PIWIL1: variants seen among roughly 807,000 people sequenced by gnomAD.
The protein encoded by PIWIL1 is piwi-like protein 1.
A neutral mutation model predicts 114.4 loss-of-function variants in PIWIL1; 73 were observed. The ratio of observed to expected loss-of-function variants is 0.64; its 90% CI spans 0.53 to 0.78. PIWIL1 has a LOEUF of 0.78. Among genes scored for constraint, PIWIL1 ranks in the 30% least tolerant of loss-of-function variants. The pLI is 0.00. For missense variants in PIWIL1, 723 were observed against 1,063.1 expected (o/e 0.68, Z 4.45); for synonymous variants, 375 against 369.0 (o/e 1.02, Z -0.19).
At chr12:130,420,347 CAT>C in the PIWIL1 span, among the ~76,000 whole-genome samples, 12,274 of 152,182 alleles carry the variant, frequency 0.081, 810 homozygotes, top group Admixed American at 0.2. The surrounding 1 kb of genome is among the most constrained non-coding windows in gnomAD (Gnocchi z 4.3). Context: ...GCAAACCTAT[CAT>C]AGGTTTGTCA....
the PIWIL1 span, chr12:130,425,127 A>G: frequency 1.2e-5 from 4 of 342,980 alleles, no homozygotes; most frequent in Non-Finnish European, 2.1e-5. Context: ...GCATCCAGCC[A>G]AGGAGAGGGC....
At chr12:130,407,104 C>G in the PIWIL1 span, among the ~76,000 whole-genome samples, 1 of 152,246 alleles carries the variant, frequency 6.6e-6, no homozygotes, top group Non-Finnish European at 1.5e-5. Flanking sequence ...ATATTCACAA[C>G]CAAACACATT....
chr12:130,369,027 A>G (rs1250211664), intron 19 of PIWIL1, among the ~76,000 whole-genome samples: 2 of 151,934 alleles, frequency 1.3e-5, no homozygotes, highest in Non-Finnish European at 1.5e-5. Context: ...TGCATTAGCT[A>G]TTTATCCTGA....
At chr12:130,342,224 C>G in intron 1 of PIWIL1, 1 of 273,782 alleles carries the variant, frequency 3.7e-6, no homozygotes, top group Non-Finnish European at 7.0e-6. Flanking sequence ...AGTGTGTGTA[C>G]ATGTGTATCT....
the PIWIL1 span, chr12:130,422,360 T>C: frequency 1.3e-6 from 1 of 761,270 alleles, no homozygotes; most frequent in East Asian, 2.6e-5. This position sits in a 1 kb window ranked among gnomAD's most constrained non-coding sequence, Gnocchi z 5.2. Flanking sequence ...TAGCGGAAAA[T>C]GCTACTCCTA....
At chr12:130,350,967 C>G (rs562380854) in intron 9 of PIWIL1, 2 of 152,260 alleles carry the variant, frequency 1.3e-5, no homozygotes, top group South Asian at 4.1e-4. Context: ...AAGGGCTGAC[C>G]TTATTCCTGG....
the PIWIL1 span, chr12:130,424,948 G>C: frequency 4.0e-6 from 3 of 754,214 alleles, no homozygotes; most frequent in Non-Finnish European, 5.4e-6. The surrounding 1 kb of genome is among the most constrained non-coding windows in gnomAD (Gnocchi z 9.8). Context: ...AATACAGACA[G>C]AATTAGTCCT....
At chr12:130,373,358 C>T (rs1212279888), downstream of PIWIL1, among the ~76,000 whole-genome samples, 1 of 152,188 alleles carries the variant, frequency 6.6e-6, no homozygotes, top group Non-Finnish European at 1.5e-5. Flanking sequence ...CAGGTCTCAG[C>T]TCTGCCTCAA....
At position 130,363,121 on chromosome 12, in the gene PIWIL1, A is replaced by C; in HGVS notation, c.2172A>C (p.Leu724=). The C allele has an allele frequency of 1.2e-6, 2 of 1,614,234 alleles. No individual in the cohort carries two copies. The highest frequency in any genetic ancestry group is 1.7e-6 in the Non-Finnish European group (2 of 1,180,034). The change falls in exon 18 of 21, where the codon CTA becomes CTC. Residue 724 remains leucine (L), a synonymous_variant. Coordinates refer to ENST00000245255, the MANE Select transcript of PIWIL1 (RefSeq NM_004764.5). ...AAGTGCCACAGTTTTTGGATTGTCT[A>C]AAATCCATTGGTAGAGGTTACAAGT... ...NYEVPQFLDC[L]KSIGRGYNPR... is the part of the protein sequence containing the mutation.
chr12:130,352,236 A>G (rs2073232100), intron 9 of PIWIL1, among the ~76,000 whole-genome samples: 1 of 152,198 alleles, frequency 6.6e-6, no homozygotes, highest in African/African-American at 2.4e-5. Context: ...ATGGTTTGGG[A>G]TTGAAGATAA....
chr12:130,406,190 A>G, the PIWIL1 span: 3 of 1,590,390 alleles, frequency 1.9e-6, no homozygotes, highest in African/African-American at 4.0e-5. Flanking sequence ...ATCCATCTTC[A>G]TCAATTTCAC....
intron 18 of PIWIL1, 151 bp from the exon 19 acceptor site, chr12:130,366,982 T>A: frequency 2.3e-6 from 2 of 854,658 alleles, no homozygotes; most frequent in Admixed American, 4.8e-5. Flanking sequence ...CTGTCAAGAG[T>A]AAGATCCTGA....
chr12:130,425,008 C>T, the PIWIL1 span: 2 of 426,378 alleles, frequency 4.7e-6, no homozygotes, highest in South Asian at 1.3e-4. Context: ...CGGGGGCATG[C>T]CGTGGAGGGC....
At chr12:130,387,821 A>T in the PIWIL1 span, among the ~76,000 whole-genome samples, 1 of 152,230 alleles carries the variant, frequency 6.6e-6, no homozygotes, top group African/African-American at 2.4e-5. Context: ...GTCAGTATTA[A>T]TTACTATTTA....
At chr12:130,372,597 C>CAAAAAAAAAAAAAAA (rs60262232) in exon 21 of PIWIL1, 4 of 67,910 alleles carry the variant, frequency 5.9e-5, no homozygotes, top group African/African-American at 2.7e-4. Flanking sequence ...GACTCCGTCT[C>CAAAAAAAAAAAAAAA]AAAAAAAAAA....
At chr12:130,362,189 A>ACCCAGTAGT (rs1490434130) in intron 16 of PIWIL1, among the ~76,000 whole-genome samples, 1 of 152,140 alleles carries the variant, frequency 6.6e-6, no homozygotes, top group African/African-American at 2.4e-5. Flanking sequence ...TAAGCCTAGT[A>ACCCAGTAGT]CCCAGTAGTT....
At chr12:130,410,665 C>A in the PIWIL1 span, among the ~76,000 whole-genome samples, 2 of 152,140 alleles carry the variant, frequency 1.3e-5, no homozygotes, top group African/African-American at 4.8e-5. Flanking sequence ...AATCAGTGGA[C>A]TCCATATGTG....
the PIWIL1 span, among the ~76,000 whole-genome samples, chr12:130,386,554 C>G: frequency 9.4e-4 from 65 of 69,286 alleles, 1 homozygote; most frequent in Non-Finnish European, 1.4e-3. Context: ...CTTCCTGTCT[C>G]CATTCACCCA....
chr12:130,374,870 C>T (rs2073854283), downstream of PIWIL1, among the ~76,000 whole-genome samples: 1 of 152,176 alleles, frequency 6.6e-6, no homozygotes. Context: ...TCTCAACAGC[C>T]TCTTAGGGGC....
Sources: gnomAD v4.1 joint callset for allele counts (sites outside exome capture counted in the v4.1 genomes callset) on GRCh38, gnomAD v4.1.1 for gene constraint, Gnocchi (gnomAD v3.1) non-coding constraint, MANE v1.5 for transcripts, NCBI Gene and HGNC (gene_info 2026-07-23, HGNC 2026-07-21) for gene names.